Variants in SYNE1 observed in about 807,000 individuals in gnomAD.
SYNE1 encodes the protein nesprin-1.
A neutral mutation model predicts 1,111.0 loss-of-function variants in SYNE1; 616 were observed. That is an observed-to-expected ratio of 0.55 (90% CI 0.52 to 0.59). SYNE1 has a LOEUF of 0.59. SYNE1 is among the 20% of genes least tolerant of loss of function. The pLI is 0.00. For synonymous variants in SYNE1, 3,855 were observed against 3,825.8 expected (o/e 1.01, Z -0.28); for missense variants, 10,006 against 10,417.0 (o/e 0.96, Z 1.72).
At chr6:152,403,228 T>C (rs189518030) in intron 46 of SYNE1, among the ~76,000 whole-genome samples, 1 of 152,300 alleles carries the variant, frequency 6.6e-6, no homozygotes, top group African/African-American at 2.4e-5. Flanking sequence ...CCCACCATGC[T>C]GGATGCTTCC....
At chr6:152,588,400 G>A (rs2099547165) in intron 3 of SYNE1, among the ~76,000 whole-genome samples, 1 of 152,178 alleles carries the variant, frequency 6.6e-6, no homozygotes, top group Non-Finnish European at 1.5e-5. Context: ...GTGATACAAT[G>A]TCACACAGAA....
At chr6:152,527,298 A>G (rs2099168119) in intron 4 of SYNE1, among the ~76,000 whole-genome samples, 1 of 152,204 alleles carries the variant, frequency 6.6e-6, no homozygotes, top group South Asian at 2.1e-4. Context: ...GAATAGTACA[A>G]TTCTAAGTTA....
At chr6:152,386,682 C>T (rs375249855) in intron 54 of SYNE1, among the ~76,000 whole-genome samples, 13 of 152,178 alleles carry the variant, frequency 8.5e-5, no homozygotes, top group East Asian at 5.8e-4. Flanking sequence ...CACAATATTT[C>T]GTACACGACT....
At chr6:152,359,559 C>T (rs1324869757) in intron 64 of SYNE1, 101 bp from the exon 65 acceptor site, 1 of 1,476,142 alleles carries the variant, frequency 6.8e-7, no homozygotes, top group Admixed American at 1.8e-5. Context: ...GACAAGTGAC[C>T]TCAGGTTATT....
At chr6:152,319,554 AGACAGTTCGCATTTACAAATTTCCAGT>A (rs1379186337) in intron 84 of SYNE1, among the ~76,000 whole-genome samples, 1 of 152,242 alleles carries the variant, frequency 6.6e-6, no homozygotes, top group African/African-American at 2.4e-5. Flanking sequence ...AGGTGAAAAA[AGACAGTTCGCATTTACAAATTTCCAGT>A]GACTTTGGTT....
chr6:152,517,157 G>T (rs1564591071), intron 6 of SYNE1, among the ~76,000 whole-genome samples: 1 of 152,032 alleles, frequency 6.6e-6, no homozygotes, highest in East Asian at 1.9e-4. Flanking sequence ...ATTATTTAAG[G>T]GCTAGAATCT....
intron 100 of SYNE1, 109 bp from the exon 101 acceptor site, chr6:152,262,297 T>C (rs1217645754): frequency 1.0e-6 from 1 of 996,780 alleles, no homozygotes; most frequent in Non-Finnish European, 1.6e-6. Flanking sequence ...TAAGATTACC[T>C]TAGTTATTAG....
chr6:152,257,789 C>G (rs1349657443), intron 101 of SYNE1, among the ~76,000 whole-genome samples: 1 of 152,026 alleles, frequency 6.6e-6, no homozygotes. Flanking sequence ...TGATCTAACA[C>G]AAGGATAATT....
chr6:152,270,060 C>T (rs1475431443), intron 98 of SYNE1, among the ~76,000 whole-genome samples: 1 of 152,166 alleles, frequency 6.6e-6, no homozygotes, highest in Admixed American at 6.5e-5. Context: ...CTGAACTAGG[C>T]AGGAAGCCTC....
Position 152,297,808 on chromosome 6 carries a change from TGTGTGTGTGTGTGTGC to T in SYNE1, c.17682+2817_17682+2832del, listed in dbSNP as rs1254285281. Among the ~76,000 whole-genome samples the T allele has an allele frequency of 3.2e-3, 332 of 103,148 alleles. 2 individuals carry two copies. Among genetic ancestry groups the T allele is most frequent in the African/African-American group, 0.012 (307 of 25,886 alleles). The allele number at this position is 103,148 out of a possible 152,430, so 67.7% of individuals were successfully genotyped here. A position where few individuals can be genotyped will look rare whatever the true frequency, so the allele number is the denominator to read the frequency against. Reference sequence around the variant, plus strand: ...GTGTGTGTGTGTGTGTGTGTGTGTGTGTGTGTGTGTGTGTGCGCGCGCACGTGGCTCATGCCTACAG... The same window carrying T: ...GTGTGTGTGTGTGTGTGTGTGTGTGTGCGCGCACGTGGCTCATGCCTACAG... On this transcript the variant is annotated intron_variant, in intron 93 of 145. Transcript: ENST00000367255.
Position 152,189,480 on chromosome 6 carries a change from C to T in SYNE1, c.23146-73G>A, listed in dbSNP as rs763257326. 1.5e-4 allele frequency: 223 copies of T among 1,474,950 alleles called. No homozygotes were observed. The highest frequency in any genetic ancestry group is 2.0e-4 in the Non-Finnish European group (212 of 1,062,396). 91.4% of individuals were successfully genotyped at this position (1,474,950 alleles called of 1,614,324 possible). A position where few individuals can be genotyped will look rare whatever the true frequency, so the allele number is the denominator to read the frequency against. Reference sequence around the variant, plus strand: ...GATTTCTGAAGTGTTTTTGAATCCCCTCTTGATAGAATTTCCTTTGTATAG... The same window carrying T: ...GATTTCTGAAGTGTTTTTGAATCCCTTCTTGATAGAATTTCCTTTGTATAG... On this transcript the variant is annotated intron_variant, in intron 127 of 145. Transcript: ENST00000367255.
At position 152,502,751 on chromosome 6, in the gene SYNE1, A is replaced by T. The variant is rs898634758; in HGVS notation, c.779-9T>A. 1 of 1,582,550 alleles carries T rather than the reference A, an allele frequency of 6.3e-7. No individual in the cohort carries two copies. Among genetic ancestry groups the T allele is most frequent in the African/African-American group, 1.3e-5 (1 of 74,260 alleles). On this transcript the variant is annotated splice_polypyrimidine_tract_variant and intron_variant, in intron 9 of 145. Transcript: ENST00000367255. ...TTTATCCACATCAACGTCTGAAAAA[A>T]CAAAAAAGAAATGTGAATAAACTAA...
chr6:152,388,327 A>G (rs2097555391), intron 53 of SYNE1, among the ~76,000 whole-genome samples: 1 of 151,644 alleles, frequency 6.6e-6, no homozygotes, highest in Non-Finnish European at 1.5e-5. Context: ...AGCTCATTGC[A>G]ATCTCTGTGT....
At position 152,310,669 on chromosome 6, in the gene SYNE1, T is replaced by C. The variant is rs771095785; in HGVS notation, c.16896+19A>G. 1 of 1,609,986 alleles carries C rather than the reference T, an allele frequency of 6.2e-7. No individual in the cohort carries two copies. The highest frequency in any genetic ancestry group is 1.7e-5 in the Admixed American group (1 of 59,420). On this transcript the variant is annotated intron_variant, in intron 88 of 145. Coordinates refer to ENST00000367255, the MANE Select transcript of SYNE1 (RefSeq NM_182961.4). Reference sequence around the variant, plus strand: ...ATGATAGACATTTTTTTCTGTTTCTTTTTTTTTTCTTTTTTTACCTTAGCT... The same window carrying C: ...ATGATAGACATTTTTTTCTGTTTCTCTTTTTTTTCTTTTTTTACCTTAGCT...
At chr6:152,588,148 C>T (rs1249834904) in intron 3 of SYNE1, among the ~76,000 whole-genome samples, 1 of 152,196 alleles carries the variant, frequency 6.6e-6, no homozygotes, top group Non-Finnish European at 1.5e-5. Context: ...TTTAACTTCT[C>T]ACCCCCAGCT....
At position 152,210,738 on chromosome 6, in the gene SYNE1, G is replaced by A. The variant is rs117519047; in HGVS notation, c.22589+756C>T. Among the ~76,000 whole-genome samples, 1,174 of 152,168 alleles carry A rather than the reference G, an allele frequency of 7.7e-3. 6 individuals carry two copies. The highest frequency in any genetic ancestry group is 0.013 in the East Asian group (67 of 5,192). On this transcript the variant is annotated intron_variant, in intron 124 of 145. Coordinates refer to ENST00000367255, the MANE Select transcript of SYNE1 (RefSeq NM_182961.4). ...ACTCCAAATATCACCACGGAAAGTC[G>A]ATTAGATAAAGTAAATATTGTTCCT...
intron 3 of SYNE1, among the ~76,000 whole-genome samples, chr6:152,604,998 AAGAAAGAAAGAG>A (rs1159370033): frequency 1.1e-3 from 29 of 26,934 alleles, no homozygotes; most frequent in East Asian, 4.4e-3. Context: ...GAAAGAAAGA[AAGAAAGAAAGAG>A]AGAGAGAGAG....
chr6:152,131,458 A>G (rs2055623172), intron 144 of SYNE1, among the ~76,000 whole-genome samples: 1 of 152,234 alleles, frequency 6.6e-6, no homozygotes, highest in South Asian at 2.1e-4. Flanking sequence ...ATATAATCAT[A>G]AAGCTGGACA....
chr6:152,436,175 T>C lies in SYNE1; in HGVS notation c.4150-74A>G, dbSNP rs2098472461. Reference sequence around the variant, plus strand: ...TCTGCCCTCAAATAAAGTGCACATATTGCATACAGAACAGATGGGTGGATG... The same window carrying C: ...TCTGCCCTCAAATAAAGTGCACATACTGCATACAGAACAGATGGGTGGATG... On this transcript the variant is annotated intron_variant, in intron 32 of 145. Transcript: ENST00000367255. 4 of 1,504,882 alleles carry C rather than the reference T, an allele frequency of 2.7e-6. No individual in the cohort carries two copies. In the South Asian group the frequency reaches 3.5e-5, roughly 13 times the overall value. 93.2% of individuals were successfully genotyped at this position (1,504,882 alleles called of 1,614,324 possible).
Sources: allele counts gnomAD v4.1 joint callset (sites outside exome capture counted in the v4.1 genomes callset), GRCh38; gene constraint gnomAD v4.1.1; transcripts MANE v1.5; gene names NCBI Gene and HGNC (gene_info 2026-07-23, HGNC 2026-07-21).